QKI: variants seen among roughly 807,000 people sequenced by gnomAD.
QKI encodes QKI, KH domain containing RNA binding, also known as KH domain-containing RNA-binding protein QKI.
In QKI, 10 loss-of-function variants were observed where a neutral mutation model predicts 39.0. The ratio of observed to expected loss-of-function variants is 0.26; its 90% CI spans 0.16 to 0.43. The LOEUF (loss-of-function observed/expected upper bound fraction) is 0.43. Ranked by LOEUF, QKI falls within the 20% of genes least tolerant of loss-of-function variation. QKI has a pLI of 1.00. For missense variants in QKI, 218 were observed against 428.0 expected (o/e 0.51, Z 4.33); for synonymous variants, 204 against 155.4 (o/e 1.31, Z -2.33).
chr6:163,534,311 G>C (rs1406469254), intron 3 of QKI, among the ~76,000 whole-genome samples: 1 of 152,120 alleles, frequency 6.6e-6, no homozygotes, highest in Non-Finnish European at 1.5e-5. Context: ...TAATTTTAAG[G>C]TATGGTCTGA....
At chr6:163,417,639 C>A (rs994287595) in intron 1 of QKI, among the ~76,000 whole-genome samples, 1 of 152,126 alleles carries the variant, frequency 6.6e-6, no homozygotes, top group African/African-American at 2.4e-5. Context: ...GGAAATAGTA[C>A]TCGTTTGCGT....
At chr6:163,456,697 T>C (rs1028228804) in intron 2 of QKI, among the ~76,000 whole-genome samples, 1 of 152,160 alleles carries the variant, frequency 6.6e-6, no homozygotes, top group Admixed American at 6.6e-5. Context: ...GTATTTTTGG[T>C]TGCAAATACA....
intron 3 of QKI, among the ~76,000 whole-genome samples, chr6:163,485,754 G>A (rs926851813): frequency 6.6e-6 from 1 of 152,160 alleles, no homozygotes; most frequent in Non-Finnish European, 1.5e-5. Context: ...AGCAATTCCA[G>A]TTCAAGTTCT....
intron 2 of QKI, among the ~76,000 whole-genome samples, chr6:163,477,961 A>G (rs557093470): frequency 1.2e-3 from 185 of 152,302 alleles, no homozygotes; most frequent in Non-Finnish European, 2.1e-3. Flanking sequence ...AATGAAAACC[A>G]CCTGTGGAAT....
At chr6:163,477,000 T>TTTTTG (rs1562470400) in intron 2 of QKI, among the ~76,000 whole-genome samples, 1 of 142,626 alleles carries the variant, frequency 7.0e-6, no homozygotes, top group Non-Finnish European at 1.5e-5. Flanking sequence ...CAGATTCCTT[T>TTTTTG]TTTTGTTTTG....
intron 3 of QKI, among the ~76,000 whole-genome samples, chr6:163,531,767 A>G (rs1474370604): frequency 5.3e-5 from 8 of 152,148 alleles, no homozygotes; most frequent in Admixed American, 5.2e-4. Context: ...GGCCCCCCCA[A>G]AGTGCTGGGA....
chr6:163,419,902 C>T (rs1376282239), intron 1 of QKI, among the ~76,000 whole-genome samples: 4 of 152,124 alleles, frequency 2.6e-5, no homozygotes, highest in African/African-American at 4.8e-5. Context: ...TTCTTAAATG[C>T]TTTATGCACA....
At chr6:163,519,943 T>G (rs546464994) in intron 3 of QKI, among the ~76,000 whole-genome samples, 1 of 152,186 alleles carries the variant, frequency 6.6e-6, no homozygotes, top group East Asian at 1.9e-4. Context: ...TCTGAAAGAG[T>G]AGAGTTACTT....
chr6:163,550,677 T>G (rs1782173393), intron 4 of QKI, among the ~76,000 whole-genome samples: 1 of 152,156 alleles, frequency 6.6e-6, no homozygotes, highest in Non-Finnish European at 1.5e-5. Flanking sequence ...CTGGGCGTGG[T>G]GGCTGACGCC....
chr6:163,541,220 TC>T (rs757793700), intron 4 of QKI, among the ~76,000 whole-genome samples: 26 of 152,226 alleles, frequency 1.7e-4, no homozygotes, highest in Non-Finnish European at 3.8e-4. Flanking sequence ...TGTAATTTCT[TC>T]TTTGAGCCGT....
chr6:163,536,336 T>C (rs906884165), intron 4 of QKI, among the ~76,000 whole-genome samples: 5 of 152,344 alleles, frequency 3.3e-5, no homozygotes, highest in South Asian at 4.1e-4. Flanking sequence ...GAAAAAGTTA[T>C]TTAACATCGA....
chr6:163,568,476 C>T, intron 7 of QKI: 15 of 985,526 alleles, frequency 1.5e-5, no homozygotes, highest in South Asian at 4.7e-5. Flanking sequence ...ATTTAAAATG[C>T]AGTGTCAGCA....
rs1354132867 is a variant in QKI, at chr6:163,571,719, T to A, written c.*1009T>A. ...TAGCATTTTATACTTTCAAGTGTTA[T>A]AAAAAAAAAGAAAAAGAACAAAGAA... On this transcript the variant is annotated 3_prime_UTR_variant, in exon 8 of 8. Transcript: ENST00000361752. The A allele has an allele frequency of 2.7e-5, 4 of 149,932 alleles. No individual in the cohort carries two copies. The highest frequency in any genetic ancestry group is 4.4e-5 in the Non-Finnish European group (3 of 67,534). The allele number at this position is 149,932 out of a possible 1,614,324, so 9.3% of individuals were successfully genotyped here. A position where few individuals can be genotyped will look rare whatever the true frequency, so the allele number is the denominator to read the frequency against.
At chr6:163,543,412 A>G (rs904165271) in intron 4 of QKI, among the ~76,000 whole-genome samples, 5 of 152,054 alleles carry the variant, frequency 3.3e-5, no homozygotes, top group Non-Finnish European at 5.9e-5. Flanking sequence ...TTGCAGAGCC[A>G]TTTTAATCTG....
chr6:163,440,316 TTA>T (rs1238056802), intron 1 of QKI, among the ~76,000 whole-genome samples: 8 of 152,188 alleles, frequency 5.3e-5, no homozygotes. Context: ...ATTTTCATCT[TTA>T]TGTGGTCTTT....
intron 2 of QKI, among the ~76,000 whole-genome samples, chr6:163,465,387 T>G (rs1027916430): frequency 1.2e-4 from 18 of 152,062 alleles, no homozygotes; most frequent in African/African-American, 4.3e-4. Flanking sequence ...CCCAGCACTT[T>G]GGGAGGCTGA....
At chr6:163,446,699 CT>C (rs1163010739) in intron 1 of QKI, among the ~76,000 whole-genome samples, 2 of 152,080 alleles carry the variant, frequency 1.3e-5, no homozygotes, top group Admixed American at 6.6e-5. Flanking sequence ...AAAGTAAACT[CT>C]TTTTTGGTAA....
intron 2 of QKI, among the ~76,000 whole-genome samples, chr6:163,478,067 C>T (rs1314814138): frequency 6.6e-6 from 1 of 152,064 alleles, no homozygotes; most frequent in African/African-American, 2.4e-5. Context: ...CCCGTTTTTC[C>T]TATTGGCTTT....
intron 3 of QKI, among the ~76,000 whole-genome samples, chr6:163,507,887 A>AT (rs1248083532): frequency 1.3e-5 from 2 of 152,196 alleles, no homozygotes; most frequent in Admixed American, 1.3e-4. Context: ...TAAGAGACAG[A>AT]TTTTTTGTTT....
Sources: allele counts gnomAD v4.1 joint callset (sites outside exome capture counted in the v4.1 genomes callset), GRCh38; gene constraint gnomAD v4.1.1; transcripts MANE v1.5; gene names NCBI Gene and HGNC (gene_info 2026-07-23, HGNC 2026-07-21).